CEBPZ: variants seen among roughly 807,000 people sequenced by gnomAD.
CEBPZ encodes the protein CCAAT/enhancer-binding protein zeta.
A neutral mutation model predicts 104.5 loss-of-function variants in CEBPZ; 78 were observed. The observed-to-expected ratio is 0.75, with a 90% CI of 0.62 to 0.90. CEBPZ has a LOEUF of 0.90. Ranked by LOEUF, CEBPZ falls within the 40% of genes least tolerant of loss-of-function variation. CEBPZ has a pLI of 0.00. For missense variants in CEBPZ, 1,439 were observed against 1,233.5 expected, an observed-to-expected ratio of 1.17 and a Z score of -2.50; for synonymous variants, 470 against 427.0, an observed-to-expected ratio of 1.10 and a Z score of -1.24.
intron 13 of CEBPZ, among the ~76,000 whole-genome samples, chr2:37,208,045 C>G (rs1367642886): frequency 6.6e-6 from 1 of 152,006 alleles, no homozygotes; most frequent in Non-Finnish European, 1.5e-5. Flanking sequence ...ACTAGAAAAC[C>G]TAGAGAAAAA....
At chr2:37,205,520 T>C (rs1427359895) in intron 13 of CEBPZ, among the ~76,000 whole-genome samples, 1 of 152,134 alleles carries the variant, frequency 6.6e-6, no homozygotes, top group East Asian at 1.9e-4. Context: ...GCCCCACCCC[T>C]ATCTCCCTTC....
chr2:37,230,067 G>A (rs1394745003), intron 1 of CEBPZ, among the ~76,000 whole-genome samples: 8 of 152,088 alleles, frequency 5.3e-5, no homozygotes, highest in African/African-American at 9.7e-5. Context: ...ATTAACTGTA[G>A]TATTATTTAA....
chr2:37,229,858 TA>T (rs200092930), intron 1 of CEBPZ, among the ~76,000 whole-genome samples: 4 of 151,392 alleles, frequency 2.6e-5, no homozygotes, highest in African/African-American at 7.3e-5. Context: ...CCCAGCTATT[TA>T]AAAAAAAAAT....
chr2:37,228,810 G>C lies in CEBPZ; in HGVS notation c.383C>G (p.Thr128Arg). 6.2e-7 allele frequency: 1 copy of C among 1,603,998 alleles called. No individual in the cohort carries two copies. The highest frequency in any genetic ancestry group is 8.5e-7 in the Non-Finnish European group (1 of 1,176,822). ...VKIPKINNKN[T>R]AESQRTSVNK... ...AACTGATGTCCTTTGACTTTCTGCTGTATTTTTATTATTTATTTTAGGTAT... is the reference window on the plus strand; with the variant it reads ...AACTGATGTCCTTTGACTTTCTGCTCTATTTTTATTATTTATTTTAGGTAT... The change falls in exon 2 of 16, where the codon ACA becomes AGA. Residue 128 changes from threonine (T) to arginine (R), a missense_variant. By Grantham distance (71) the Thr-to-Arg change is moderately conservative. Coordinates refer to ENST00000234170, the MANE Select transcript of CEBPZ (RefSeq NM_005760.3).
chr2:37,218,164 G>A (rs1442768056), intron 5 of CEBPZ, among the ~76,000 whole-genome samples: 1 of 152,002 alleles, frequency 6.6e-6, no homozygotes, highest in Admixed American at 6.6e-5. Context: ...CTACTCGGGA[G>A]GCTGAGGCAG....
intron 13 of CEBPZ, among the ~76,000 whole-genome samples, chr2:37,207,738 A>T (rs1169273679): frequency 6.6e-6 from 1 of 152,226 alleles, no homozygotes; most frequent in African/African-American, 2.4e-5. Flanking sequence ...CTCACACCTC[A>T]AGGAACTAGA....
In CEBPZ at chr2:37,228,313, T is replaced by A. The variant is rs376269100; in HGVS notation, c.880A>T (p.Ile294Phe). 5.0e-5 allele frequency: 81 copies of A among 1,614,200 alleles called. No individual in the cohort carries two copies. The African/African-American group carries it at 9.1e-4, about 18-fold the overall frequency. ...CGATTGTCTGGCAAAAGGTCTGTGA[T>A]AAGCAACTCTTTGAAAGTATCCAAG... ...MALDTFKELLITDLLPDNRKL... is the reference protein window; with the variant it reads ...MALDTFKELLFTDLLPDNRKL... The change falls in exon 2 of 16, where the codon ATC becomes TTC. Residue 294 changes from isoleucine (I) to phenylalanine (F), a missense_variant. Ile to Phe is a conservative substitution (Grantham distance 21, BLOSUM62 0). Transcript: ENST00000234170.
At chr2:37,203,278 TA>T (rs1677370823) in intron 13 of CEBPZ, 2 of 243,928 alleles carry the variant, frequency 8.2e-6, no homozygotes, top group African/African-American at 2.2e-5. Context: ...GTTTTACCCA[TA>T]AGGGAAATAA....
At position 37,222,455 on chromosome 2, in the gene CEBPZ, C is replaced by T. The variant is rs1664792889; in HGVS notation, c.1990G>A (p.Glu664Lys). ...TEIVKKLETEETVPETDVETK... is the reference protein window; with the variant it reads ...TEIVKKLETEKTVPETDVETK... ...TCTACATCAGTTTCAGGAACTGTTT[C>T]CTCTGTCTCAAGTTTTTTCACTATC... is the stretch of plus-strand genomic sequence containing the variant. Residue 664 changes from glutamate to lysine, a missense_variant, in exon 4 of 16, where the codon GAA becomes AAA. Coordinates refer to ENST00000234170, the MANE Select transcript of CEBPZ (RefSeq NM_005760.3). The T allele has an allele frequency of 1.2e-6, 2 of 1,611,060 alleles. No individual in the cohort carries two copies. The highest frequency in any genetic ancestry group is 1.7e-6 in the Non-Finnish European group (2 of 1,179,148).
chr2:37,223,103 G>C (rs529175126), intron 3 of CEBPZ, 67 bp downstream of exon 3: 6 of 1,348,388 alleles, frequency 4.4e-6, no homozygotes, highest in African/African-American at 2.9e-5. Flanking sequence ...TTGAAGCAAA[G>C]AAAAACAAAA....
intron 12 of CEBPZ, chr2:37,211,357 CT>C: frequency 3.6e-6 from 1 of 280,294 alleles, no homozygotes. Flanking sequence ...CAAGAAACTT[CT>C]GCTGTGGTTC....
At chr2:37,216,518 G>A in intron 6 of CEBPZ, 100 bp from the exon 7 acceptor site, 1 of 824,988 alleles carries the variant, frequency 1.2e-6, no homozygotes, top group Non-Finnish European at 1.9e-6. Flanking sequence ...ACACTGTATT[G>A]AAGATACAAA....
In CEBPZ at chr2:37,212,404, T is replaced by G. The variant is rs749101174; in HGVS notation, c.2546-12A>C. 6.2e-7 allele frequency: 1 copy of G among 1,607,400 alleles called. No individual in the cohort carries two copies. Among genetic ancestry groups the G allele is most frequent in the African/African-American group, 1.3e-5 (1 of 74,774 alleles). On this transcript the variant is annotated splice_polypyrimidine_tract_variant and intron_variant, in intron 10 of 15. Coordinates refer to ENST00000234170, the MANE Select transcript of CEBPZ (RefSeq NM_005760.3). Reference sequence around the variant, plus strand: ...ATCTTCAAATGTGTCTGCCAGACAATACAGAAATGTGAGATACAACAAAGA... The same window carrying G: ...ATCTTCAAATGTGTCTGCCAGACAAGACAGAAATGTGAGATACAACAAAGA...
At position 37,201,901 on chromosome 2, in the gene CEBPZ, G is replaced by C; in HGVS notation, c.3028C>G (p.Leu1010Val). ...TCAGCCTCCCATCTAAGCTGTTTGA[G>C]ACCTTTGAGAGAAGAAGAAAAGATG... ...NAMANKDNAS[L>V]KQLRWEAERD... Residue 1010 changes from leucine (L) to valine (V), a missense_variant and splice_region_variant, in exon 16 of 16, where the codon CTC (leucine) becomes GTC (valine). Transcript: ENST00000234170. The C allele has an allele frequency of 1.2e-6, 2 of 1,611,788 alleles. No individual in the cohort carries two copies. Among genetic ancestry groups the C allele is most frequent in the African/African-American group, 1.3e-5 (1 of 74,674 alleles).
chr2:37,216,915 C>T (rs1254293568), intron 6 of CEBPZ, 69 bp downstream of exon 6: 6 of 1,256,940 alleles, frequency 4.8e-6, no homozygotes, highest in Non-Finnish European at 6.9e-6. Context: ...CACTGTATGA[C>T]CAATTATTGA....
intron 13 of CEBPZ, among the ~76,000 whole-genome samples, chr2:37,206,927 TCA>T (rs1440055994): frequency 6.6e-6 from 1 of 152,052 alleles, no homozygotes; most frequent in African/African-American, 2.4e-5. Context: ...ACATAAGGAC[TCA>T]CATAAACTTA....
Position 37,222,418 on chromosome 2 carries a change from G to C in CEBPZ, c.2027C>G (p.Pro676Arg), listed in dbSNP as rs771560693. 6.3e-7 allele frequency: 1 copy of C among 1,597,162 alleles called. No homozygotes were observed. The highest frequency in any genetic ancestry group is 8.5e-7 in the Non-Finnish European group (1 of 1,174,548). Reference sequence around the variant, plus strand: ...AAAGTGCACCCAGGAAGCAACCTCTGGTTTTTTGGTTTCTACATCAGTTTC... The same window carrying C: ...AAAGTGCACCCAGGAAGCAACCTCTCGTTTTTTGGTTTCTACATCAGTTTC... ...VPETDVETKK[P>R]EVASWVHFDN... The change falls in exon 4 of 16, where the codon CCA (proline) becomes CGA (arginine). Residue 676 changes from proline (P) to arginine (R), a missense_variant. Pro to Arg is a moderately radical substitution (Grantham distance 103). Transcript: ENST00000234170.
chr2:37,219,736 A>C (rs1252821791), intron 5 of CEBPZ, among the ~76,000 whole-genome samples: 1 of 152,254 alleles, frequency 6.6e-6, no homozygotes, highest in Non-Finnish European at 1.5e-5. Flanking sequence ...AAATTCAGAA[A>C]AGTAACTTTA....
intron 5 of CEBPZ, among the ~76,000 whole-genome samples, chr2:37,218,023 T>G (rs1324064459): frequency 6.8e-6 from 1 of 147,344 alleles, no homozygotes; most frequent in Non-Finnish European, 1.5e-5. Context: ...ATCCCAGCAT[T>G]TTGGGAGGCC....
Sources: gnomAD v4.1 joint callset for allele counts (sites outside exome capture counted in the v4.1 genomes callset) on GRCh38, gnomAD v4.1.1 for gene constraint, MANE v1.5 for transcripts, NCBI Gene and HGNC (gene_info 2026-07-23, HGNC 2026-07-21) for gene names.